PLCL1: variants seen among roughly 807,000 people sequenced by gnomAD.
The protein encoded by PLCL1 is phospholipase C like 1 (inactive), also known as inactive phospholipase C-like protein 1.
In PLCL1, 41 loss-of-function variants were observed where a neutral mutation model predicts 84.4. The ratio of observed to expected loss-of-function variants is 0.49; its 90% CI spans 0.38 to 0.63. The LOEUF (loss-of-function observed/expected upper bound fraction) is 0.63. Among genes scored for constraint, PLCL1 ranks in the 30% least tolerant of loss-of-function variants. The probability of loss-of-function intolerance (pLI) is 0.00; values close to 1 mark genes in which losing one functional copy is unlikely to be tolerated. For missense variants in PLCL1, 1,206 were observed against 1,367.8 expected (o/e 0.88, Z 1.87); for synonymous variants, 490 against 488.3 (o/e 1.00, Z -0.05).
chr2:197,954,245 A>C (rs538138346), intron 1 of PLCL1, among the ~76,000 whole-genome samples: 1 of 152,222 alleles, frequency 6.6e-6, no homozygotes, highest in East Asian at 1.9e-4. Flanking sequence ...GTGAAGTGAA[A>C]CGAAATGCAA....
intron 1 of PLCL1, among the ~76,000 whole-genome samples, chr2:197,829,423 A>G (rs972241219): frequency 6.6e-6 from 1 of 152,194 alleles, no homozygotes; most frequent in African/African-American, 2.4e-5. Flanking sequence ...CAATTGCAAC[A>G]TTACACACTA....
chr2:198,100,739 A>G (rs1409022418), intron 3 of PLCL1, among the ~76,000 whole-genome samples: 3 of 152,096 alleles, frequency 2.0e-5, no homozygotes, highest in Non-Finnish European at 4.4e-5. Flanking sequence ...TGGGACTTCA[A>G]GCCCACCTTT....
At chr2:197,975,628 AC>A (rs11423326) in intron 1 of PLCL1, among the ~76,000 whole-genome samples, 1 of 151,628 alleles carries the variant, frequency 6.6e-6, no homozygotes, top group Non-Finnish European at 1.5e-5. Context: ...ACAGAGTGAG[AC>A]CCCCCCATCT....
At position 198,115,652 on chromosome 2, in the gene PLCL1, G is replaced by A. The variant is rs574666643; in HGVS notation, c.3105+11716G>A. Among the ~76,000 whole-genome samples, 66 of 151,986 alleles carry A rather than the reference G, an allele frequency of 4.3e-4. No individual in the cohort carries two copies. The South Asian group carries it at 5.2e-3, about 12-fold the overall frequency. On this transcript the variant is annotated intron_variant, in intron 5 of 5. Transcript: ENST00000428675. Reference sequence around the variant, plus strand: ...CTCACAGTTCCACATGGCTGGGGTAGCCTCACAATCATGGCAGAAGACGGA... The same window carrying A: ...CTCACAGTTCCACATGGCTGGGGTAACCTCACAATCATGGCAGAAGACGGA...
chr2:197,829,429 C>T (rs1691007374), intron 1 of PLCL1, among the ~76,000 whole-genome samples: 1 of 152,130 alleles, frequency 6.6e-6, no homozygotes, highest in African/African-American at 2.4e-5. Context: ...CAACATTACA[C>T]ACTATTTCAT....
chr2:198,105,160 T>G (rs969172696), intron 5 of PLCL1, among the ~76,000 whole-genome samples: 5 of 152,084 alleles, frequency 3.3e-5, no homozygotes, highest in African/African-American at 1.2e-4. Flanking sequence ...GTTTTACATT[T>G]AAGTCTTTAA....
intron 1 of PLCL1, among the ~76,000 whole-genome samples, chr2:198,064,231 C>T (rs1692273461): frequency 1.3e-5 from 2 of 152,082 alleles, no homozygotes; most frequent in Non-Finnish European, 2.9e-5. Context: ...GTCCCTAGTC[C>T]TCCAAGTTCC....
chr2:198,097,557 G>A (rs1437969475), intron 3 of PLCL1, among the ~76,000 whole-genome samples: 1 of 152,166 alleles, frequency 6.6e-6, no homozygotes, highest in Non-Finnish European at 1.5e-5. Context: ...CGTAATGACA[G>A]CTGGATAAAA....
chr2:198,117,131 T>A (rs1272355924), intron 5 of PLCL1, among the ~76,000 whole-genome samples: 2 of 151,804 alleles, frequency 1.3e-5, no homozygotes, highest in African/African-American at 2.4e-5. Flanking sequence ...TTTTCTTGGG[T>A]CAAAAAACAT....
chr2:198,042,716 A>C (rs1219803394), intron 1 of PLCL1, among the ~76,000 whole-genome samples: 1 of 152,338 alleles, frequency 6.6e-6, no homozygotes, highest in East Asian at 1.9e-4. Context: ...ATCCAAGTGG[A>C]AATATTACGT....
chr2:198,007,757 T>G (rs1310603569), intron 1 of PLCL1, among the ~76,000 whole-genome samples: 2 of 152,168 alleles, frequency 1.3e-5, no homozygotes, highest in Non-Finnish European at 2.9e-5. Flanking sequence ...ATTCCAGCTC[T>G]CTTGCTCCAC....
intron 1 of PLCL1, among the ~76,000 whole-genome samples, chr2:197,931,644 C>T (rs1688933757): frequency 6.8e-6 from 1 of 148,050 alleles, no homozygotes; most frequent in Admixed American, 6.9e-5. Context: ...CAACCTACAA[C>T]CATCCAACCA....
intron 1 of PLCL1, among the ~76,000 whole-genome samples, chr2:197,998,012 A>G (rs1170694960): frequency 6.6e-6 from 1 of 152,188 alleles, no homozygotes; most frequent in African/African-American, 2.4e-5. Context: ...AAGGGCTCAG[A>G]ATTTGATAAG....
At chr2:198,091,697 A>AAATAG in intron 3 of PLCL1, among the ~76,000 whole-genome samples, 1 of 34,264 alleles carries the variant, frequency 2.9e-5, no homozygotes, top group East Asian at 3.5e-4. Flanking sequence ...AAATAAAATA[A>AAATAG]AATAAAATAA....
chr2:198,007,504 A>G (rs1396265893), intron 1 of PLCL1, among the ~76,000 whole-genome samples: 1 of 152,168 alleles, frequency 6.6e-6, no homozygotes, highest in African/African-American at 2.4e-5. Context: ...AAAAATAGCT[A>G]ATTTACAATA....
chr2:197,981,237 T>C (rs1369183314), intron 1 of PLCL1, among the ~76,000 whole-genome samples: 1 of 152,184 alleles, frequency 6.6e-6, no homozygotes, highest in Non-Finnish European at 1.5e-5. Context: ...ATGTAGCTTG[T>C]AGTGAGTGGA....
chr2:197,926,252 G>A (rs898494494), intron 1 of PLCL1, among the ~76,000 whole-genome samples: 4 of 152,152 alleles, frequency 2.6e-5, no homozygotes, highest in African/African-American at 9.7e-5. Flanking sequence ...AGATTTTGTA[G>A]TAGAGACTCA....
intron 4 of PLCL1, among the ~76,000 whole-genome samples, chr2:198,102,662 T>C (rs536803757): frequency 2.0e-5 from 3 of 152,110 alleles, no homozygotes; most frequent in Non-Finnish European, 2.9e-5. Context: ...AAGAGTTTCA[T>C]TGGCAAGCTG....
intron 1 of PLCL1, among the ~76,000 whole-genome samples, chr2:198,035,512 T>A (rs1476693029): frequency 1.3e-5 from 2 of 152,164 alleles, no homozygotes; most frequent in East Asian, 3.9e-4. Context: ...TTTTTTCCAT[T>A]TGAAAGTAAG....
Sources: allele counts gnomAD v4.1 joint callset (sites outside exome capture counted in the v4.1 genomes callset), GRCh38; gene constraint gnomAD v4.1.1; transcripts MANE v1.5; gene names NCBI Gene and HGNC (gene_info 2026-07-23, HGNC 2026-07-21).